Variants in MTMR8 observed in about 807,000 individuals in gnomAD.
MTMR8 encodes the protein phosphatidylinositol-3,5-bisphosphate 3-phosphatase MTMR8.
MTMR8 carries 65 observed loss-of-function variants against 39.3 expected under a neutral mutation model. The observed-to-expected ratio is 1.65, with a 90% confidence interval of 1.35 to 2.03. The LOEUF is 2.03. Ranked by LOEUF, MTMR8 falls within the 30% of genes most tolerant of loss-of-function variation. The pLI is 0.00. For missense variants in MTMR8, 777 were observed against 538.9 expected (o/e 1.44, Z -4.37); for synonymous variants, 245 against 185.2 (o/e 1.32, Z -2.62).
rs1016652344 is a variant in MTMR8 at position 64,270,104 on chromosome X, CG to C, written c.1608+842del. ...TAATCTACTTAGGACTGGGCCTTCT[CG>C]GGGATGCATGTTTCCTACGATTTTA... On this transcript the variant is annotated intron_variant, in intron 13 of 13. Transcript: ENST00000374852. Among the ~76,000 whole-genome samples the C allele has an allele frequency of 7.9e-4, 87 of 110,031 alleles. 1 individual carries two copies. Among genetic ancestry groups the C allele is most frequent in the African/African-American group, 2.6e-3 (80 of 30,192 alleles).
chrX:64,331,568 C>T lies in MTMR8; in HGVS notation c.1341G>A (p.Arg447=), dbSNP rs371016055. The part of the protein sequence containing the change: ...GNFLGNCQKD[R]EDLRVYEKTH... ...CAAAGTAAATTCACCTTAGATCTTCCCGATCCTTCTGGCAGTTACCAAGGA... is the reference window on the plus strand; with the variant it reads ...CAAAGTAAATTCACCTTAGATCTTCTCGATCCTTCTGGCAGTTACCAAGGA... Residue 447 remains arginine, a synonymous_variant, in exon 11 of 14, where the codon CGG becomes CGA. Coordinates refer to ENST00000374852, the MANE Select transcript of MTMR8 (RefSeq NM_017677.4). The T allele has an allele frequency of 5.0e-6, 6 of 1,207,758 alleles. No individual in the cohort carries two copies. In the Middle Eastern group the frequency reaches 6.9e-4, roughly 138 times the overall value.
intron 8 of MTMR8, among the ~76,000 whole-genome samples, chrX:64,342,313 G>T (rs1178042746): frequency 8.9e-6 from 1 of 112,300 alleles, no homozygotes; most frequent in Non-Finnish European, 1.9e-5. Flanking sequence ...AGAACACATG[G>T]GACTTGGCAA....
At chrX:64,294,682 G>C (rs1921508375) in intron 12 of MTMR8, among the ~76,000 whole-genome samples, 1 of 111,635 alleles carries the variant, frequency 9.0e-6, no homozygotes, top group Non-Finnish European at 1.9e-5. Flanking sequence ...TTGGCATCTG[G>C]TGAAGGTCCT....
At chrX:64,388,954 T>C (rs1270521403) in intron 1 of MTMR8, among the ~76,000 whole-genome samples, 1 of 111,989 alleles carries the variant, frequency 8.9e-6, no homozygotes, top group Non-Finnish European at 1.9e-5. Context: ...TGCTAGTATA[T>C]CCACTCAGCT....
chrX:64,317,260 T>A (rs773690912), intron 12 of MTMR8, among the ~76,000 whole-genome samples: 22 of 112,034 alleles, frequency 2.0e-4, no homozygotes, highest in Non-Finnish European at 3.6e-4. Context: ...TGGAATATTA[T>A]CAGCCATTAT....
intron 12 of MTMR8, among the ~76,000 whole-genome samples, chrX:64,318,637 G>A (rs1350870788): frequency 9.0e-6 from 1 of 110,535 alleles, no homozygotes; most frequent in African/African-American, 3.3e-5. Flanking sequence ...TTACTTAGTG[G>A]GGGGAGTAGG....
chrX:64,305,701 G>A, intron 12 of MTMR8: 1 of 527,095 alleles, frequency 1.9e-6, no homozygotes, highest in Non-Finnish European at 3.5e-6. Context: ...AGGTAAGAGA[G>A]GGCCCAGTCT....
chrX:64,366,490 C>A (rs186072776), intron 1 of MTMR8, among the ~76,000 whole-genome samples: 1 of 111,998 alleles, frequency 8.9e-6, no homozygotes, highest in Non-Finnish European at 1.9e-5. Flanking sequence ...GCTGAACAAC[C>A]TGCTCCTGAA....
intron 12 of MTMR8, among the ~76,000 whole-genome samples, chrX:64,315,111 C>T (rs894774668): frequency 8.9e-6 from 1 of 112,137 alleles, no homozygotes; most frequent in Non-Finnish European, 1.9e-5. Flanking sequence ...GCACCAAGCC[C>T]TCTGTGCTCC....
chrX:64,377,410 G>T (rs1474018015), intron 1 of MTMR8, among the ~76,000 whole-genome samples: 1 of 112,640 alleles, frequency 8.9e-6, no homozygotes, highest in East Asian at 2.8e-4. Flanking sequence ...AAGGCAAAAT[G>T]CCCAAGGTCT....
rs551403141 is a variant in MTMR8, at chrX:64,375,521, A to C, written c.25-15994T>G. Among the ~76,000 whole-genome samples the C allele has an allele frequency of 3.0e-4, 33 of 111,620 alleles. No homozygotes were observed. In the South Asian group the frequency reaches 9.8e-3, roughly 33 times the overall value. On this transcript the variant is annotated intron_variant, in intron 1 of 13. Transcript: ENST00000374852. ...GTCTGAATGCTGGTGTCCCTCAAAA[A>C]TTCATATGTTGAAATCTAACCCCTG...
chrX:64,372,037 T>C (rs906584328), intron 1 of MTMR8, among the ~76,000 whole-genome samples: 16 of 108,955 alleles, frequency 1.5e-4, no homozygotes, highest in Non-Finnish European at 2.1e-4. Context: ...CCTACATTGA[T>C]GAGAACATAG....
chrX:64,380,846 T>A (rs1924395880), intron 1 of MTMR8, among the ~76,000 whole-genome samples: 1 of 111,643 alleles, frequency 9.0e-6, no homozygotes, highest in Non-Finnish European at 1.9e-5. Context: ...CATGCGGTGT[T>A]TGGTTTTTTG....
At chrX:64,316,683 C>G (rs1451743479) in intron 12 of MTMR8, among the ~76,000 whole-genome samples, 1 of 111,470 alleles carries the variant, frequency 9.0e-6, no homozygotes, top group Non-Finnish European at 1.9e-5. Context: ...TAAGATTTCG[C>G]ATTGATATAT....
rs768568096 is a variant in MTMR8 at position 64,343,659 on chromosome X, C to G, written c.927G>C (p.Trp309Cys). Residue 309 changes from tryptophan to cysteine, a missense_variant, in exon 8 of 14, where the codon TGG becomes TGC. Coordinates refer to ENST00000374852, the MANE Select transcript of MTMR8 (RefSeq NM_017677.4). ...EFLSGLESSG[W>C]LRHIKAIMDA... ...CCATAATAGCTTTAATGTGTCTTAACCACCCTGAGCTCTCCAGGCCGCTAA... is the reference window on the plus strand; with the variant it reads ...CCATAATAGCTTTAATGTGTCTTAAGCACCCTGAGCTCTCCAGGCCGCTAA... 9.1e-6 allele frequency: 11 copies of G among 1,207,374 alleles called. No homozygotes were observed. The highest frequency in any genetic ancestry group is 4.6e-4 in the Middle Eastern group (2 of 4,365).
chrX:64,331,039 C>G (rs1458771763), intron 11 of MTMR8, among the ~76,000 whole-genome samples: 3 of 111,306 alleles, frequency 2.7e-5, no homozygotes, highest in Non-Finnish European at 3.8e-5. Flanking sequence ...ATGGGTGAAC[C>G]AAAGTCTCAC....
At chrX:64,389,125 G>A (rs754255017) in intron 1 of MTMR8, among the ~76,000 whole-genome samples, 3 of 111,811 alleles carry the variant, frequency 2.7e-5, no homozygotes, top group South Asian at 7.5e-4. Context: ...GGTTAAATTA[G>A]CATATAAATA....
At chrX:64,355,841 C>A (rs1043103900) in intron 3 of MTMR8, among the ~76,000 whole-genome samples, 37 of 111,337 alleles carry the variant, frequency 3.3e-4, no homozygotes, top group African/African-American at 1.2e-3. Flanking sequence ...TCTTCCAAAG[C>A]AGTCTTCCTT....
intron 12 of MTMR8, among the ~76,000 whole-genome samples, chrX:64,312,004 T>C (rs1165195224): frequency 9.0e-6 from 1 of 111,193 alleles, no homozygotes; most frequent in African/African-American, 3.3e-5. Flanking sequence ...TTTGGTTCCA[T>C]ATGAACTTTA....
Sources: allele counts gnomAD v4.1 joint callset (sites outside exome capture counted in the v4.1 genomes callset), GRCh38; gene constraint gnomAD v4.1.1; transcripts MANE v1.5; gene names NCBI Gene and HGNC (gene_info 2026-07-23, HGNC 2026-07-21).